The following GAS7 variants were observed in gnomAD, a reference collection of about 807,000 sequenced individuals.
GAS7 encodes growth arrest-specific protein 7.
GAS7 carries 28 observed loss-of-function variants against 71.1 expected under a neutral mutation model. That is an observed-to-expected ratio of 0.39 (90% confidence interval 0.29 to 0.54). The LOEUF (loss-of-function observed/expected upper bound fraction) is 0.54, where lower values mean the gene tolerates loss of function less well. Among genes scored for constraint, GAS7 ranks in the 20% least tolerant of loss-of-function variants. The pLI is 0.62. For missense variants in GAS7, 436 were observed against 627.8 expected, an observed-to-expected ratio of 0.69 and a Z score of 3.27; for synonymous variants, 258 against 245.8, an observed-to-expected ratio of 1.05 and a Z score of -0.46.
chr17:10,040,312 G>A (rs1372802888), intron 1 of GAS7, among the ~76,000 whole-genome samples: 1 of 152,146 alleles, frequency 6.6e-6, no homozygotes, highest in Non-Finnish European at 1.5e-5. Context: ...AAAAGCAGGT[G>A]GATCCATTCA....
chr17:10,075,770 G>A (rs1426679193), intron 1 of GAS7, among the ~76,000 whole-genome samples: 1 of 151,038 alleles, frequency 6.6e-6, no homozygotes, highest in Non-Finnish European at 1.5e-5. Context: ...ACTCTGGCCT[G>A]GGTGACAGAG....
chr17:10,015,109 C>G (rs185093695), intron 2 of GAS7, among the ~76,000 whole-genome samples: 1 of 151,502 alleles, frequency 6.6e-6, no homozygotes, highest in Non-Finnish European at 1.5e-5. Flanking sequence ...GAGCCGAGAT[C>G]GCACCACTGC....
chr17:10,165,825 T>A lies in GAS7; in HGVS notation c.183+32383A>T, dbSNP rs9902139. Among the ~76,000 whole-genome samples, 1,121 of 152,114 alleles carry A rather than the reference T, an allele frequency of 7.4e-3. 16 individuals carry two copies. Among genetic ancestry groups the A allele is most frequent in the African/African-American group, 0.025 (1,030 of 41,518 alleles). Reference sequence around the variant, plus strand: ...TCTCAGGATCTGGAAACGGGACACTTGTGTGCACTGATTCAGACATCCTTT... The same window carrying A: ...TCTCAGGATCTGGAAACGGGACACTAGTGTGCACTGATTCAGACATCCTTT... On this transcript the variant is annotated intron_variant, in intron 1 of 13. Coordinates refer to ENST00000432992, the MANE Select transcript of GAS7 (RefSeq NM_201433.2).
chr17:10,138,635 T>G (rs1387714466), intron 1 of GAS7, among the ~76,000 whole-genome samples: 2 of 151,842 alleles, frequency 1.3e-5, no homozygotes, highest in African/African-American at 4.8e-5. Flanking sequence ...GGCATGGTGG[T>G]GCACACCTGT....
chr17:10,070,758 C>T (rs2073332308), intron 1 of GAS7, among the ~76,000 whole-genome samples: 2 of 151,900 alleles, frequency 1.3e-5, no homozygotes, highest in African/African-American at 4.8e-5. Context: ...AAGATGCCGT[C>T]CCTCCTGCCC....
intron 1 of GAS7, among the ~76,000 whole-genome samples, chr17:10,057,237 G>A (rs376397468): frequency 2.0e-5 from 3 of 152,048 alleles, no homozygotes; most frequent in East Asian, 1.9e-4. Context: ...AGTGAGGAGC[G>A]TCTCTGCCTG....
intron 1 of GAS7, among the ~76,000 whole-genome samples, chr17:10,048,028 G>A (rs890682327): frequency 2.6e-5 from 4 of 152,166 alleles, no homozygotes; most frequent in Admixed American, 6.5e-5. Context: ...TAGGCCAGGC[G>A]CGGTGACTCA....
At chr17:10,171,418 AAC>A in intron 1 of GAS7, among the ~76,000 whole-genome samples, 1 of 152,190 alleles carries the variant, frequency 6.6e-6, no homozygotes, top group East Asian at 1.9e-4. Flanking sequence ...ACAAATGAGG[AAC>A]ACATCAATTT....
intron 1 of GAS7, among the ~76,000 whole-genome samples, chr17:10,194,411 T>C (rs1190683215): frequency 6.6e-6 from 1 of 152,230 alleles, no homozygotes; most frequent in Non-Finnish European, 1.5e-5. Flanking sequence ...ACCACTGACC[T>C]GTCCAGCCAC....
intron 1 of GAS7, among the ~76,000 whole-genome samples, chr17:10,116,067 T>G (rs2073858550): frequency 6.6e-6 from 1 of 152,150 alleles, no homozygotes; most frequent in Non-Finnish European, 1.5e-5. Context: ...TCCCAGCACT[T>G]TGGGAAGACA....
intron 2 of GAS7, among the ~76,000 whole-genome samples, chr17:10,008,767 G>A (rs892569719): frequency 2.3e-4 from 35 of 149,298 alleles, no homozygotes; most frequent in African/African-American, 7.6e-4. Flanking sequence ...TTAGGCTGGC[G>A]CTCTCTCTCT....
At chr17:10,175,797 G>C (rs760103211) in intron 1 of GAS7, among the ~76,000 whole-genome samples, 2 of 152,162 alleles carry the variant, frequency 1.3e-5, no homozygotes, top group Non-Finnish European at 2.9e-5. Context: ...ACTACAGCTG[G>C]CCATGCATTT....
chr17:10,044,640 C>T (rs2072921631), intron 1 of GAS7, among the ~76,000 whole-genome samples: 1 of 152,070 alleles, frequency 6.6e-6, no homozygotes, highest in Admixed American at 6.6e-5. Flanking sequence ...GGTAGTCTGT[C>T]TTCAATTTTT....
At chr17:10,090,558 T>TCCAGTCCA (rs66727555) in intron 1 of GAS7, among the ~76,000 whole-genome samples, 20 of 151,428 alleles carry the variant, frequency 1.3e-4, no homozygotes, top group African/African-American at 3.9e-4. Context: ...AATCCTGAAC[T>TCCAGTCCA]CTTTCAAACT....
At chr17:10,079,223 A>G (rs16959285) in intron 1 of GAS7, among the ~76,000 whole-genome samples, 4,332 of 152,320 alleles carry the variant, frequency 0.028, 211 homozygotes, top group African/African-American at 0.096. Flanking sequence ...GGAGTATGGT[A>G]GGAGAATGCT....
intron 1 of GAS7, among the ~76,000 whole-genome samples, chr17:10,115,741 T>C (rs569544592): frequency 2.0e-3 from 311 of 152,254 alleles, no homozygotes; most frequent in Non-Finnish European, 3.4e-3. Flanking sequence ...TCCTTTGGTC[T>C]CCCCCGCCCC....
intron 5 of GAS7, among the ~76,000 whole-genome samples, chr17:9,949,649 G>A (rs1038675558): frequency 2.0e-5 from 3 of 152,166 alleles, no homozygotes; most frequent in Admixed American, 6.5e-5. Context: ...CACCACCCTA[G>A]AGGGAAACAC....
intron 5 of GAS7, among the ~76,000 whole-genome samples, chr17:9,948,996 C>T (rs1318872705): frequency 6.6e-6 from 1 of 152,208 alleles, no homozygotes. Context: ...GTTTTGGGCC[C>T]AGGACACAAA....
rs12452217 is a variant in GAS7, at chr17:10,057,313, G to A, written c.184-37416C>T. Among the ~76,000 whole-genome samples the A allele has an allele frequency of 6.2e-3, 928 of 150,594 alleles. 26 individuals carry two copies. In the East Asian group the frequency reaches 0.099, roughly 16 times the overall value. On this transcript the variant is annotated intron_variant, in intron 1 of 13. Transcript: ENST00000432992. ...CTGCCCAGTCTGGGAAGTGAGGAGC[G>A]CCTCTTCCCAGCTGCCATCCCATCT...
Sources: allele counts gnomAD v4.1 joint callset (sites outside exome capture counted in the v4.1 genomes callset), GRCh38; gene constraint gnomAD v4.1.1; transcripts MANE v1.5; gene names NCBI Gene and HGNC (gene_info 2026-07-23, HGNC 2026-07-21).